The following SNTG1 variants were observed in gnomAD, a reference collection of about 807,000 sequenced individuals.
SNTG1 encodes the protein syntrophin gamma 1.
In SNTG1, 39 loss-of-function variants were observed where a neutral mutation model predicts 74.7. That is an observed-to-expected ratio of 0.52 (90% CI 0.40 to 0.68). SNTG1 has a LOEUF of 0.68. Ranked by LOEUF, SNTG1 falls within the 30% of genes least tolerant of loss-of-function variation. The pLI is 0.00. For synonymous variants in SNTG1, 254 were observed against 217.1 expected (o/e 1.17, Z -1.49); for missense variants, 685 against 609.5 (o/e 1.12, Z -1.30).
At chr8:50,486,394 T>G (rs1350633095) in intron 8 of SNTG1, among the ~76,000 whole-genome samples, 2 of 142,628 alleles carry the variant, frequency 1.4e-5, no homozygotes, top group Non-Finnish European at 3.0e-5. Context: ...CCTAGGTATT[T>G]TATTCTCTTT....
intron 1 of SNTG1, among the ~76,000 whole-genome samples, chr8:49,987,275 C>T (rs919857664): frequency 6.6e-6 from 1 of 151,832 alleles, no homozygotes; most frequent in Non-Finnish European, 1.5e-5. Context: ...ATAAAACATA[C>T]AAGAATAAGA....
chr8:49,943,502 G>A (rs921976225), intron 1 of SNTG1, among the ~76,000 whole-genome samples: 2 of 152,248 alleles, frequency 1.3e-5, no homozygotes, highest in Middle Eastern at 3.2e-3. Flanking sequence ...GTTCAGGCTA[G>A]GAGAATGGAT....
intron 11 of SNTG1, among the ~76,000 whole-genome samples, chr8:50,542,543 C>T (rs908753572): frequency 2.0e-5 from 3 of 152,146 alleles, no homozygotes; most frequent in Non-Finnish European, 4.4e-5. Flanking sequence ...AATATTGTTG[C>T]AATAAACATA....
intron 18 of SNTG1, among the ~76,000 whole-genome samples, chr8:50,781,775 C>T (rs1188306603): frequency 2.0e-5 from 3 of 152,002 alleles, no homozygotes; most frequent in South Asian, 4.1e-4. Flanking sequence ...TGTGCGCGTT[C>T]GTTGATGCAG....
intron 2 of SNTG1, among the ~76,000 whole-genome samples, chr8:50,309,011 A>G (rs1042312581): frequency 6.6e-6 from 1 of 152,168 alleles, no homozygotes; most frequent in Non-Finnish European, 1.5e-5. Context: ...TCCTGATAGA[A>G]CACAAATGTG....
At chr8:50,482,361 T>C (rs576415481) in intron 8 of SNTG1, among the ~76,000 whole-genome samples, 4 of 152,192 alleles carry the variant, frequency 2.6e-5, no homozygotes, top group Non-Finnish European at 4.4e-5. Context: ...ATCCTCCATA[T>C]GGGCAGGAAG....
rs2095698652 is a variant in SNTG1 at position 50,794,052 on chromosome 8, C to CA, written c.*1224dup. 6.6e-6 allele frequency: 1 copy of CA among 151,114 alleles called. No homozygotes were observed. Among genetic ancestry groups the CA allele is most frequent in the Admixed American group, 6.6e-5 (1 of 15,102 alleles). The allele number at this position is 151,114 out of a possible 1,614,324, so 9.4% of individuals were successfully genotyped here. A position where few individuals can be genotyped will look rare whatever the true frequency, so the allele number is the denominator to read the frequency against. ...AGGTATTATTCAACTAGTTGTATAA[C>CA]ATGGAACACAGTCTCTGTCCTTCAG... On this transcript the variant is annotated 3_prime_UTR_variant, in exon 19 of 19. Coordinates refer to ENST00000642720, the MANE Select transcript of SNTG1 (RefSeq NM_018967.5).
At chr8:49,974,346 A>G (rs185586678) in intron 1 of SNTG1, among the ~76,000 whole-genome samples, 1 of 152,242 alleles carries the variant, frequency 6.6e-6, no homozygotes, top group East Asian at 1.9e-4. Context: ...CATATATTTT[A>G]TTTGCTTCTT....
intron 8 of SNTG1, among the ~76,000 whole-genome samples, chr8:50,485,307 G>C (rs906716308): frequency 6.6e-6 from 1 of 152,138 alleles, no homozygotes; most frequent in African/African-American, 2.4e-5. Context: ...TATTAGCACA[G>C]AGGCCAAAAA....
chr8:49,959,254 G>A (rs1338900868), intron 1 of SNTG1, among the ~76,000 whole-genome samples: 1 of 152,192 alleles, frequency 6.6e-6, no homozygotes, highest in Non-Finnish European at 1.5e-5. Flanking sequence ...AGAGCATGCT[G>A]GTGAAAAGCA....
chr8:50,637,866 A>G (rs1563678470), intron 13 of SNTG1, among the ~76,000 whole-genome samples: 1 of 152,132 alleles, frequency 6.6e-6, no homozygotes, highest in African/African-American at 2.4e-5. Flanking sequence ...TTAAACATCA[A>G]ATAGTGTAAT....
At chr8:50,231,500 G>A (rs1285235065) in intron 2 of SNTG1, among the ~76,000 whole-genome samples, 1 of 151,292 alleles carries the variant, frequency 6.6e-6, no homozygotes, top group African/African-American at 2.4e-5. Flanking sequence ...ATGAAGGGAT[G>A]AATGAATAAA....
rs576251372 is a variant in SNTG1, at chr8:49,998,753, C to T, written c.-103+86522C>T. Among the ~76,000 whole-genome samples the T allele has an allele frequency of 1.6e-3, 238 of 152,072 alleles. 3 individuals are homozygous for T. Among genetic ancestry groups the T allele is most frequent in the African/African-American group, 5.5e-3 (229 of 41,492 alleles). ...GCTGTCATCTCCTGTGATAATGATG[C>T]CTTCATCTGGATACTTCCTGAAGGA... On this transcript the variant is annotated intron_variant, in intron 1 of 18. Coordinates refer to ENST00000642720, the MANE Select transcript of SNTG1 (RefSeq NM_018967.5).
At chr8:50,423,827 T>C (rs1344330560) in intron 4 of SNTG1, among the ~76,000 whole-genome samples, 1 of 152,134 alleles carries the variant, frequency 6.6e-6, no homozygotes, top group African/African-American at 2.4e-5. Flanking sequence ...GAGACTTAAC[T>C]GACTAGTAGT....
intron 1 of SNTG1, among the ~76,000 whole-genome samples, chr8:49,965,866 T>G (rs769134661): frequency 1.3e-5 from 2 of 152,192 alleles, no homozygotes; most frequent in Non-Finnish European, 2.9e-5. Flanking sequence ...CCTCCTGTGA[T>G]CTTTCATCTC....
chr8:50,035,225 A>T (rs753997116), intron 1 of SNTG1, among the ~76,000 whole-genome samples: 3 of 152,160 alleles, frequency 2.0e-5, no homozygotes, highest in Non-Finnish European at 2.9e-5. Flanking sequence ...TCTCTCTTAG[A>T]GTTGATGGTA....
intron 1 of SNTG1, among the ~76,000 whole-genome samples, chr8:50,064,786 G>T (rs1359496017): frequency 6.6e-6 from 1 of 152,072 alleles, no homozygotes; most frequent in African/African-American, 2.4e-5. Flanking sequence ...AATTCTGGTT[G>T]CAGCTCCCCT....
intron 12 of SNTG1, 124 bp downstream of exon 12, chr8:50,553,303 A>G: frequency 1.6e-6 from 2 of 1,242,024 alleles, no homozygotes; most frequent in African/African-American, 1.5e-5. Context: ...CATGAAAGCT[A>G]TTCTGGAATA....
At chr8:50,174,115 G>A (rs1248504540) in intron 2 of SNTG1, among the ~76,000 whole-genome samples, 1 of 152,214 alleles carries the variant, frequency 6.6e-6, no homozygotes, top group African/African-American at 2.4e-5. Flanking sequence ...GTGTTAGAGT[G>A]TTGCGAATGA....
Sources: gnomAD v4.1 joint callset for allele counts (sites outside exome capture counted in the v4.1 genomes callset) on GRCh38, gnomAD v4.1.1 for gene constraint, MANE v1.5 for transcripts, NCBI Gene and HGNC (gene_info 2026-07-23, HGNC 2026-07-21) for gene names.